Variants in MIB2 observed in about 807,000 individuals in gnomAD.
MIB2 encodes MIB E3 ubiquitin protein ligase 2.
In MIB2, 78 loss-of-function variants were observed where a neutral mutation model predicts 96.6. That is an observed-to-expected ratio of 0.81 (90% CI 0.67 to 0.97). The LOEUF is 0.97. MIB2 is among the 50% of genes least tolerant of loss of function. The pLI, the probability that MIB2 is intolerant of heterozygous loss-of-function variation, is 0.00. For synonymous variants in MIB2, 820 were observed against 629.5 expected, an observed-to-expected ratio of 1.30 and a Z score of -4.53; for missense variants, 1,543 against 1,424.0, an observed-to-expected ratio of 1.08 and a Z score of -1.35.
chr1:1,624,997 A>T lies in MIB2; in HGVS notation c.533A>T (p.Glu178Val). The change falls in exon 6 of 20, where the codon GAA becomes GTA. Residue 178 changes from glutamate (E) to valine (V), a missense_variant. By Grantham distance (121) the Glu-to-Val change is moderately radical. Transcript: ENST00000355826. The stretch of plus-strand genomic sequence containing the variant: ...GGGGGGCCTCTTTCCCCAGGAGGGG[A>T]AGGGAAACCGGGCCGTGTGGTGGAC... ...DWEWGSQDGGEGKPGRVVDIR... is the reference protein window; with the variant it reads ...DWEWGSQDGGVGKPGRVVDIR... 2 of 1,610,800 alleles carry T rather than the reference A, an allele frequency of 1.2e-6. No homozygotes were observed. The highest frequency in any genetic ancestry group is 1.7e-6 in the Non-Finnish European group (2 of 1,178,670).
In MIB2 at chr1:1,626,965, C is replaced by A. The variant is rs1644844301; in HGVS notation, c.1206C>A (p.Asn402Lys). The A allele has an allele frequency of 6.2e-7, 1 of 1,611,552 alleles. No individual in the cohort carries two copies. Among genetic ancestry groups the A allele is most frequent in the African/African-American group, 1.3e-5 (1 of 74,922 alleles). ...LVAYRPEEDA[N>K]LDVAERAREN... is the part of the protein sequence containing the mutation. ...CCTACCGGCCCGAGGAGGATGCCAA[C>A]CTGGACGTGGCCGAGCGCGCCCGGG... Residue 402 changes from asparagine (N) to lysine (K), a missense_variant, in exon 10 of 20, where the codon AAC (asparagine) becomes AAA (lysine). Asn to Lys is a moderately conservative substitution (Grantham distance 94). Transcript: ENST00000355826. This position sits in a 1 kb window ranked among gnomAD's most constrained non-coding sequence, Gnocchi z 5.3.
At chr1:1,615,873 C>T (rs1482663437) in intron 1 of MIB2, 33 of 1,101,092 alleles carry the variant, frequency 3.0e-5, no homozygotes, top group Non-Finnish European at 3.5e-5. Context: ...GCAGGCCTCG[C>T]GCGGCCCGGG....
At chr1:1,628,743 G>A (rs1461979472) in intron 16 of MIB2, 21 bp downstream of exon 16, 3 of 1,489,644 alleles carry the variant, frequency 2.0e-6, no homozygotes, top group Non-Finnish European at 2.7e-6. Context: ...GTGGCGTGGG[G>A]TGCTGGAGAG....
chr1:1,617,841 C>T (rs926969170), intron 2 of MIB2: 2 of 152,248 alleles, frequency 1.3e-5, no homozygotes, highest in African/African-American at 4.8e-5. Context: ...CAGCCAGGGG[C>T]ACAGCCTGTG....
chr1:1,626,325 C>G lies in MIB2; in HGVS notation c.973-325C>G. The G allele has an allele frequency of 2.5e-6, 1 of 401,030 alleles. No homozygotes were observed. Among genetic ancestry groups the G allele is most frequent in the Non-Finnish European group, 4.5e-6 (1 of 223,322 alleles). The allele number at this position is 401,030 out of a possible 1,614,324, so 24.8% of individuals were successfully genotyped here. On this transcript the variant is annotated intron_variant, in intron 8 of 19. Coordinates refer to ENST00000355826, the MANE Select transcript of MIB2 (RefSeq NM_001170687.4). This position sits in a 1 kb window ranked among gnomAD's most constrained non-coding sequence, Gnocchi z 5.3. Reference sequence around the variant, plus strand: ...CTGGGGCCCCACCCCCACGCTGGCTCACGGGCCCTGGCCATGTTGCCTGCT... The same window carrying G: ...CTGGGGCCCCACCCCCACGCTGGCTGACGGGCCCTGGCCATGTTGCCTGCT...
chr1:1,625,609 A>C lies in MIB2; in HGVS notation c.928A>C (p.Asn310His). 2 of 1,578,672 alleles carry C rather than the reference A, an allele frequency of 1.3e-6. No individual in the cohort carries two copies. The highest frequency in any genetic ancestry group is 1.7e-6 in the Non-Finnish European group (2 of 1,162,828). ...CCGCGGGGACGTGCGCGTGCAGTTC[A>C]ACCACGAGACGCGCTGGACCTTCCA... ...TDRGDVRVQF[N>H]HETRWTFHPG... is the part of the protein sequence containing the mutation. The change falls in exon 8 of 20, where the codon AAC becomes CAC. Residue 310 changes from asparagine to histidine, a missense_variant. Physicochemically the swap from Asn to His is moderately conservative, Grantham distance 68. Coordinates refer to ENST00000355826, the MANE Select transcript of MIB2 (RefSeq NM_001170687.4). The surrounding 1 kb of genome is among the most constrained non-coding windows in gnomAD (Gnocchi z 5.0).
At position 1,628,016 on chromosome 1, in the gene MIB2, C is replaced by A. The variant is rs375617292; in HGVS notation, c.1681-3C>A. 5.6e-6 allele frequency: 9 copies of A among 1,612,376 alleles called. No individual in the cohort carries two copies. Among genetic ancestry groups the A allele is most frequent in the Non-Finnish European group, 7.6e-6 (9 of 1,179,514 alleles). On this transcript the variant is annotated splice_polypyrimidine_tract_variant and splice_region_variant and intron_variant, in intron 13 of 19. Transcript: ENST00000355826. Reference sequence around the variant, plus strand: ...CAGGTGACCACTGACTCCGCCCCAGCAGGACGCCCACTCGGACACGCCCCT... The same window carrying A: ...CAGGTGACCACTGACTCCGCCCCAGAAGGACGCCCACTCGGACACGCCCCT...
chr1:1,623,473 G>A lies in MIB2; in HGVS notation c.21G>A (p.Ala7=), dbSNP rs769985932. 50 of 1,591,566 alleles carry A rather than the reference G, an allele frequency of 3.1e-5. No homozygotes were observed. The highest frequency in any genetic ancestry group is 1.6e-4 in the South Asian group (14 of 88,288). Residue 7 remains alanine (A), a synonymous_variant, in exon 3 of 20, where the codon GCG becomes GCA. Coordinates refer to ENST00000355826, the MANE Select transcript of MIB2 (RefSeq NM_001170687.4). ...CCAACATGGACCCAGACCCCCAGGC[G>A]GGCGTGCAGGTGGGCATGCGGGTGG... MDPDPQ[A]GVQVGMRVVR...
At chr1:1,630,138 C>A (rs1460061256) in intron 19 of MIB2, among the ~76,000 whole-genome samples, 154 bp from the exon 20 acceptor site, 1 of 150,042 alleles carries the variant, frequency 6.7e-6, no homozygotes, top group African/African-American at 2.5e-5. Context: ...CGGGCCCCAC[C>A]TCTGCCTCCA....
intron 2 of MIB2, among the ~76,000 whole-genome samples, chr1:1,621,052 G>A (rs1644217249): frequency 6.6e-6 from 1 of 152,260 alleles, no homozygotes; most frequent in South Asian, 2.1e-4. Context: ...GGCTGCCGCT[G>A]TCACAGAAGC....
chr1:1,620,280 TCA>T (rs1208951958), intron 2 of MIB2, among the ~76,000 whole-genome samples: 1 of 152,110 alleles, frequency 6.6e-6, no homozygotes, highest in African/African-American at 2.4e-5. Flanking sequence ...TGCAGAAGGA[TCA>T]CAGTGTGGGC....
Position 1,625,715 on chromosome 1 carries a change from CTT to C in MIB2, c.972+63_972+64del. ...TTCTGTAACCCCTTCCACGTACCCC[CTT>C]GGCCTTGGGGGGTCAGGCAGGACTA... On this transcript the variant is annotated intron_variant, in intron 8 of 19. Transcript: ENST00000355826. This position sits in a 1 kb window ranked among gnomAD's most constrained non-coding sequence, Gnocchi z 5.0. 1 of 1,413,828 alleles carries C rather than the reference CTT, an allele frequency of 7.1e-7. No homozygotes were observed. The highest frequency in any genetic ancestry group is 9.7e-7 in the Non-Finnish European group (1 of 1,028,918). 87.6% of individuals were successfully genotyped at this position (1,413,828 alleles called of 1,614,324 possible).
In MIB2 at chr1:1,627,311, C is replaced by G. The variant is rs1459210146; in HGVS notation, c.1390C>G (p.Gln464Glu). 6.2e-7 allele frequency: 1 copy of G among 1,613,090 alleles called. No individual in the cohort carries two copies. Among genetic ancestry groups the G allele is most frequent in the Non-Finnish European group, 8.5e-7 (1 of 1,179,984 alleles). ...CTCTTGGCAGGTGGACACCAAGAAC[C>G]AAGGCAGGACCGCTCTGCAAGTGGC... ...RRPEQVDTKN[Q>E]GRTALQVAAY... Residue 464 changes from glutamine to glutamate, a missense_variant, in exon 12 of 20, where the codon CAA becomes GAA. Transcript: ENST00000355826.
intron 2 of MIB2, among the ~76,000 whole-genome samples, chr1:1,620,964 G>A (rs1285171089): frequency 6.6e-6 from 1 of 152,270 alleles, no homozygotes. Context: ...TGTCCACCTG[G>A]ACATGCTCTG....
rs762374271 is a variant in MIB2 at position 1,625,363 on chromosome 1, C to T, written c.799C>T (p.Leu267=). ...GCACGGGGACAAGGTCAAGTGTCTG[C>T]TGGACACTGATGTCCTGCGGGAGAT... The part of the protein sequence containing the change: ...FQHGDKVKCL[L]DTDVLREMQE... The change falls in exon 7 of 20, where the codon CTG becomes TTG. Residue 267 remains leucine, a synonymous_variant. Transcript: ENST00000355826. This position sits in a 1 kb window ranked among gnomAD's most constrained non-coding sequence, Gnocchi z 5.0. 1.0e-5 allele frequency: 16 copies of T among 1,587,872 alleles called. No homozygotes were observed. Among genetic ancestry groups the T allele is most frequent in the Non-Finnish European group, 1.4e-5 (16 of 1,167,948 alleles).
chr1:1,615,572 G>A lies in MIB2; in HGVS notation c.-191G>A, dbSNP rs1643526472. 1.3e-6 allele frequency: 2 copies of A among 1,542,010 alleles called. No individual in the cohort carries two copies. Among genetic ancestry groups the A allele is most frequent in the Non-Finnish European group, 1.7e-6 (2 of 1,147,826 alleles). On this transcript the variant is annotated 5_prime_UTR_variant, in exon 1 of 20. Transcript: ENST00000355826. Reference sequence around the variant, plus strand: ...GTGGCCCAGGAGGGCCTGGGAGCCCGAAGCCGTCCCCGAGTCGCTCCTAGG... The same window carrying A: ...GTGGCCCAGGAGGGCCTGGGAGCCCAAAGCCGTCCCCGAGTCGCTCCTAGG...
chr1:1,629,385 G>A lies in MIB2; in HGVS notation c.2382G>A (p.Arg794=). The change falls in exon 18 of 20, where the codon CGG becomes CGA. Residue 794 remains arginine (R), a splice_region_variant and synonymous_variant. Coordinates refer to ENST00000355826, the MANE Select transcript of MIB2 (RefSeq NM_001170687.4). ...CTCAAGCCGCCTCCTCCCCCTGCAG[G>A]GAGCGGCAGGCGGGCGGGGGCGCGG... ...KALQGCAQRF[R]ERQAGGGAAP... 6.9e-7 allele frequency: 1 copy of A among 1,444,162 alleles called. No individual in the cohort carries two copies. The highest frequency in any genetic ancestry group is 1.5e-5 in the South Asian group (1 of 68,800). 89.5% of individuals were successfully genotyped at this position (1,444,162 alleles called of 1,614,324 possible).
Position 1,626,431 on chromosome 1 carries a change from TC to T in MIB2, c.973-217del, listed in dbSNP as rs1433383638. ...AGCTGGCTTCTGTCTGCCTGGACAC[TC>T]CTCCCATGGCTCTGGGGCTAGGGAC... On this transcript the variant is annotated intron_variant, in intron 8 of 19. Coordinates refer to ENST00000355826, the MANE Select transcript of MIB2 (RefSeq NM_001170687.4). The surrounding 1 kb of genome is among the most constrained non-coding windows in gnomAD (Gnocchi z 5.3). The T allele has an allele frequency of 3.7e-6, 2 of 547,312 alleles. No homozygotes were observed. The highest frequency in any genetic ancestry group is 5.3e-5 in the South Asian group (2 of 37,902). The allele number at this position is 547,312 out of a possible 1,614,324, so 33.9% of individuals were successfully genotyped here. A position where few individuals can be genotyped will look rare whatever the true frequency, so the allele number is the denominator to read the frequency against.
Position 1,625,029 on chromosome 1 carries a change from G to C in MIB2, c.565G>C (p.Gly189Arg). The C allele has an allele frequency of 6.2e-7, 1 of 1,613,118 alleles. No individual in the cohort carries two copies. Among genetic ancestry groups the C allele is most frequent in the Non-Finnish European group, 8.5e-7 (1 of 1,179,926 alleles). ...GKPGRVVDIR[G>R]WDVETGRSVA... Reference sequence around the variant, plus strand: ...ACCGGGCCGTGTGGTGGACATCCGTGGCTGGGATGTGGAGACAGGCCGGAG... The same window carrying C: ...ACCGGGCCGTGTGGTGGACATCCGTCGCTGGGATGTGGAGACAGGCCGGAG... Residue 189 changes from glycine (G) to arginine (R), a missense_variant, in exon 6 of 20, where the codon GGC (glycine) becomes CGC (arginine). By Grantham distance (125) the Gly-to-Arg change is moderately radical. Coordinates refer to ENST00000355826, the MANE Select transcript of MIB2 (RefSeq NM_001170687.4). This position sits in a 1 kb window ranked among gnomAD's most constrained non-coding sequence, Gnocchi z 5.0.
Sources: gnomAD v4.1 joint callset for allele counts (sites outside exome capture counted in the v4.1 genomes callset) on GRCh38, gnomAD v4.1.1 for gene constraint, Gnocchi (gnomAD v3.1) non-coding constraint, MANE v1.5 for transcripts, NCBI Gene and HGNC (gene_info 2026-07-23, HGNC 2026-07-21) for gene names.